Variants in DNHD1 observed in about 807,000 individuals in gnomAD.
DNHD1 encodes dynein heavy chain domain-containing protein 1.
Under a neutral mutation model 458.1 loss-of-function variants are expected in DNHD1, and 383 were observed. The observed-to-expected ratio is 0.84, with a 90% CI of 0.77 to 0.91. The LOEUF is 0.91. Among genes scored for constraint, DNHD1 ranks in the 40% least tolerant of loss-of-function variants. DNHD1 has a pLI of 0.00. For synonymous variants in DNHD1, 2,203 were observed against 2,376.9 expected (o/e 0.93, Z 2.13); for missense variants, 5,336 against 5,866.1 (o/e 0.91, Z 2.95).
chr11:6,538,661 C>G lies in DNHD1; in HGVS notation c.3176C>G (p.Ala1059Gly), dbSNP rs1478254408. The change falls in exon 16 of 43, where the codon GCA (alanine) becomes GGA (glycine). Residue 1059 changes from alanine to glycine, a missense_variant. By Grantham distance (60) the Ala-to-Gly change is moderately conservative. This residue lies in a region of DNHD1 where 3,932 missense variants were observed against 4,365.6 expected (regional missense o/e 0.90). Transcript: ENST00000254579. The part of the protein sequence containing the change: ...QEKTEGWLTE[A>G]ARMSTTLELH... ...AAGACAGAGGGCTGGCTGACAGAGG[C>G]AGCACGGATGAGCACAACCCTGGAG... 2 of 1,547,254 alleles carry G rather than the reference C, an allele frequency of 1.3e-6. No individual in the cohort carries two copies.
At chr11:6,529,194 G>A in intron 12 of DNHD1, 73 bp downstream of exon 12, 1 of 1,508,428 alleles carries the variant, frequency 6.6e-7, no homozygotes. Flanking sequence ...CCTTGGTCCT[G>A]GAATGTCCTC....
chr11:6,520,691 G>A, intron 10 of DNHD1: 3 of 1,032,168 alleles, frequency 2.9e-6, no homozygotes, highest in Non-Finnish European at 2.3e-6. Flanking sequence ...ATGTCATATA[G>A]CTCTTTTTCA....
chr11:6,562,924 TG>T (rs1853614198), intron 28 of DNHD1, 57 bp from the exon 29 acceptor site: 1 of 1,523,934 alleles, frequency 6.6e-7, no homozygotes, highest in Non-Finnish European at 8.8e-7. Flanking sequence ...TAGGGTCTTC[TG>T]GGGTTTCCCG....
At chr11:6,528,831 C>G in intron 11 of DNHD1, 44 bp downstream of exon 11, 3 of 1,549,986 alleles carry the variant, frequency 1.9e-6, no homozygotes, top group Non-Finnish European at 2.6e-6. Flanking sequence ...CCACCAATTC[C>G]CATTATAGCC....
At position 6,528,736 on chromosome 11, in the gene DNHD1, C is replaced by G. The variant is rs1852766671; in HGVS notation, c.2052C>G (p.Asp684Glu). ...HNYKQLEEDL[D>E]NNPKIQQALN... ...ATAAGCAGCTGGAGGAAGACCTGGA[C>G]AACAACCCTAAGATCCAGCAGGCAC... Residue 684 changes from aspartate to glutamate, a missense_variant, in exon 11 of 43, where the codon GAC becomes GAG. This residue lies in a region of DNHD1 where 3,932 missense variants were observed against 4,365.6 expected (regional missense o/e 0.90). Coordinates refer to ENST00000254579, the MANE Select transcript of DNHD1 (RefSeq NM_144666.3). 6.4e-7 allele frequency: 1 copy of G among 1,551,772 alleles called. No individual in the cohort carries two copies. The highest frequency in any genetic ancestry group is 1.2e-5 in the South Asian group (1 of 84,064).
chr11:6,513,496 C>T (rs928194449), intron 7 of DNHD1, among the ~76,000 whole-genome samples: 17 of 152,274 alleles, frequency 1.1e-4, no homozygotes, highest in Admixed American at 2.0e-4. Flanking sequence ...TTTTTTCACT[C>T]AACATTATGT....
At chr11:6,547,808 C>A in intron 21 of DNHD1, 55 bp from the exon 22 acceptor site, 1 of 1,537,382 alleles carries the variant, frequency 6.5e-7, no homozygotes, top group South Asian at 1.2e-5. Context: ...TTCTTTCTTT[C>A]ACCTTCCACC....
chr11:6,551,430 A>G (rs1853341865), intron 24 of DNHD1, among the ~76,000 whole-genome samples: 1 of 152,214 alleles, frequency 6.6e-6, no homozygotes, highest in Non-Finnish European at 1.5e-5. Flanking sequence ...TTATACCCAA[A>G]GCAATTAAAA....
Position 6,548,044 on chromosome 11 carries a change from C to G in DNHD1, c.6905+4C>G, listed in dbSNP as rs1297508850. ...TTGGAGCCCACCTTCCCTCCAGGTA[C>G]CTACCAGGATGGGGGATGGGAGATG... On this transcript the variant is annotated splice_donor_region_variant and intron_variant, in intron 22 of 42. Coordinates refer to ENST00000254579, the MANE Select transcript of DNHD1 (RefSeq NM_144666.3). This position sits in a 1 kb window ranked among gnomAD's most constrained non-coding sequence, Gnocchi z 4.4. 1 of 1,551,644 alleles carries G rather than the reference C, an allele frequency of 6.4e-7. No homozygotes were observed. Among genetic ancestry groups the G allele is most frequent in the Admixed American group, 2.0e-5 (1 of 50,998 alleles).
At position 6,498,574 on chromosome 11, in the gene DNHD1, C is replaced by T. The variant is rs1374380739; in HGVS notation, c.359C>T (p.Thr120Ile). 1.2e-6 allele frequency: 2 copies of T among 1,614,100 alleles called. No individual in the cohort carries two copies. The highest frequency in any genetic ancestry group is 2.7e-5 in the African/African-American group (2 of 74,938). Reference protein sequence around the residue: ...QLYCWAPWVQTHLHLDLLGAI... With the variant: ...QLYCWAPWVQIHLHLDLLGAI... ...TACTGCTGGGCACCCTGGGTCCAAACCCACCTCCATCTGGACCTGCTAGGT... is the reference window on the plus strand; with the variant it reads ...TACTGCTGGGCACCCTGGGTCCAAATCCACCTCCATCTGGACCTGCTAGGT... The change falls in exon 3 of 43, where the codon ACC becomes ATC. Residue 120 changes from threonine to isoleucine, a missense_variant. By Grantham distance (89) the Thr-to-Ile change is moderately conservative. This residue lies in a region of DNHD1 where 3,932 missense variants were observed against 4,365.6 expected (regional missense o/e 0.90). Transcript: ENST00000254579.
intron 3 of DNHD1, among the ~76,000 whole-genome samples, chr11:6,500,521 C>T (rs997219934): frequency 6.6e-6 from 1 of 152,146 alleles, no homozygotes; most frequent in Non-Finnish European, 1.5e-5. Context: ...TTATGGTGGC[C>T]CTATTGGAAT....
rs1853469963 is a variant in DNHD1, at chr11:6,556,755, G to T, written c.7460G>T (p.Ser2487Ile). ...QAMDGTVYAH[S>I]TLELQTLQPT... ...ATGGATGGCACTGTGTATGCCCACA[G>T]CACCTTGGAACTGCAGACGCTGCAG... The change falls in exon 25 of 43, where the codon AGC becomes ATC. Residue 2487 changes from serine to isoleucine, a missense_variant. Physicochemically the swap from Ser to Ile is moderately radical, Grantham distance 142. This residue lies in a region of DNHD1 where 3,932 missense variants were observed against 4,365.6 expected (regional missense o/e 0.90). Transcript: ENST00000254579. 3 of 1,551,498 alleles carry T rather than the reference G, an allele frequency of 1.9e-6. No individual in the cohort carries two copies. The highest frequency in any genetic ancestry group is 1.7e-4 in the Middle Eastern group (1 of 6,014).
In DNHD1 at chr11:6,558,166, C is replaced by T; in HGVS notation, c.8871C>T (p.Leu2957=). 1.3e-6 allele frequency: 2 copies of T among 1,546,600 alleles called. No homozygotes were observed. Among genetic ancestry groups the T allele is most frequent in the South Asian group, 2.4e-5 (2 of 83,842 alleles). The change falls in exon 25 of 43, where the codon CTC becomes CTT. Residue 2957 remains leucine (L), a synonymous_variant. Coordinates refer to ENST00000254579, the MANE Select transcript of DNHD1 (RefSeq NM_144666.3). ...TGGATCTCACTACACTTCATCGCCT[C>T]CTGGCCCTGGCAACCTCAGGCAGTT... The part of the protein sequence containing the change: ...SGVDLTTLHR[L]LALATSGSFP...
rs1554888382 is a variant in DNHD1, at chr11:6,546,676, C to CATGCCCTACTGT, written c.5737_5738insATGCCCTACTGT (p.Arg1913delinsHisAlaLeuLeuCys). 9 of 1,551,610 alleles carry CATGCCCTACTGT rather than the reference C, an allele frequency of 5.8e-6. No homozygotes were observed. The highest frequency in any genetic ancestry group is 2.0e-5 in the Admixed American group (1 of 50,986). ...TGCCATTGAGGAGGCTGCCCTACTG[C>CATGCCCTACTGT]GCTCACCACTGTTTAGCATTCTCAA... On this transcript the variant is annotated protein_altering_variant, in exon 21 of 43. Transcript: ENST00000254579.
In DNHD1 at chr11:6,571,821, A is replaced by T; in HGVS notation, c.14097A>T (p.Pro4699=). 6.2e-7 allele frequency: 1 copy of T among 1,613,998 alleles called. No homozygotes were observed. The highest frequency in any genetic ancestry group is 8.5e-7 in the Non-Finnish European group (1 of 1,179,894). ...CGGGCACCAGTGACCTGCCAGCCCC[A>T]GCCGACCTGACTGTGTACTCGTGTC... ...QAPGTSDLPA[P]ADLTVYSCPV... Residue 4699 remains proline (P), a synonymous_variant, in exon 43 of 43, where the codon CCA becomes CCT. Transcript: ENST00000254579. The surrounding 1 kb of genome is among the most constrained non-coding windows in gnomAD (Gnocchi z 5.0).
intron 17 of DNHD1, 81 bp from the exon 18 acceptor site, chr11:6,539,795 G>T (rs1008085416): frequency 1.5e-6 from 2 of 1,351,758 alleles, no homozygotes; most frequent in Non-Finnish European, 1.0e-6. Context: ...TTCTGCCTCA[G>T]ATCCAATCCC....
In DNHD1 at chr11:6,566,923, A is replaced by T. The variant is rs546073608; in HGVS notation, c.11414A>T (p.Gln3805Leu). The change falls in exon 36 of 43, where the codon CAG (glutamine) becomes CTG (leucine). Residue 3805 changes from glutamine (Q) to leucine (L), a missense_variant. Gln to Leu is a moderately radical substitution (Grantham distance 113, BLOSUM62 -2). This residue lies in a region of DNHD1 where 695 missense variants were observed against 804.2 expected (regional missense o/e 0.86). Coordinates refer to ENST00000254579, the MANE Select transcript of DNHD1 (RefSeq NM_144666.3). ...CGGCTGCTGACGATGCTGCTGTTCCAGAATCCGAAGCGTCAGAAGCCAGCC... is the reference window on the plus strand; with the variant it reads ...CGGCTGCTGACGATGCTGCTGTTCCTGAATCCGAAGCGTCAGAAGCCAGCC... Reference protein sequence around the residue: ...EERLLTMLLFQNPKRQKPAKF... With the variant: ...EERLLTMLLFLNPKRQKPAKF... The T allele has an allele frequency of 2.5e-6, 4 of 1,613,592 alleles. No homozygotes were observed. The African/African-American group carries it at 4.0e-5, about 16-fold the overall frequency.
chr11:6,566,498 G>T, intron 34 of DNHD1, 89 bp from the exon 35 acceptor site: 2 of 1,557,640 alleles, frequency 1.3e-6, no homozygotes, highest in Admixed American at 3.8e-5. Context: ...GCAGGCACAG[G>T]TCTATAGCAG....
chr11:6,559,244 G>C lies in DNHD1; in HGVS notation c.9480G>C (p.Leu3160=), dbSNP rs1410668460. ...AGGAGCACGGTACCCATGCCAATCT[G>C]ATCTTTGACTTGGAACAGCAGCTGA... ...LIKEHGTHAN[L]IFDLEQQLKD... The change falls in exon 28 of 43, where the codon CTG becomes CTC. Residue 3160 remains leucine (L), a synonymous_variant. Coordinates refer to ENST00000254579, the MANE Select transcript of DNHD1 (RefSeq NM_144666.3). The C allele has an allele frequency of 1.9e-6, 3 of 1,551,706 alleles. No homozygotes were observed. In the South Asian group the frequency reaches 3.6e-5, roughly 18 times the overall value.
Sources: gnomAD v4.1 joint callset for allele counts (sites outside exome capture counted in the v4.1 genomes callset) on GRCh38, gnomAD v4.1.1 for gene constraint, gnomAD v4.1.1 regional missense constraint, Gnocchi (gnomAD v3.1) non-coding constraint, MANE v1.5 for transcripts, NCBI Gene and HGNC (gene_info 2026-07-23, HGNC 2026-07-21) for gene names.